Variants in ABCB9 observed in about 807,000 individuals in gnomAD.
The protein encoded by ABCB9 is ABC-type oligopeptide transporter ABCB9.
ABCB9 carries 36 observed loss-of-function variants against 62.0 expected under a neutral mutation model. That is an observed-to-expected ratio of 0.58 (90% CI 0.45 to 0.77). The LOEUF (loss-of-function observed/expected upper bound fraction) is 0.77, where lower values mean the gene tolerates loss of function less well. ABCB9 is among the 30% of genes least tolerant of loss of function. The probability of loss-of-function intolerance (pLI) is 0.00; values close to 1 mark genes in which losing one functional copy is unlikely to be tolerated. For missense variants in ABCB9, 943 were observed against 1,054.7 expected, an observed-to-expected ratio of 0.89 and a Z score of 1.47; for synonymous variants, 435 against 461.4, an observed-to-expected ratio of 0.94 and a Z score of 0.73.
intron 10 of ABCB9, among the ~76,000 whole-genome samples, chr12:122,933,038 A>AT (rs2135767545): frequency 6.6e-6 from 1 of 152,234 alleles, no homozygotes; most frequent in East Asian, 1.9e-4. Flanking sequence ...CTACAGGTGC[A>AT]TGCCACCACA....
chr12:122,944,329 A>T lies in ABCB9; in HGVS notation c.1380+62T>A. 9.4e-6 allele frequency: 14 copies of T among 1,489,326 alleles called. No homozygotes were observed. Among genetic ancestry groups the T allele is most frequent in the South Asian group, 2.5e-5 (2 of 80,384 alleles). 92.3% of individuals were successfully genotyped at this position (1,489,326 alleles called of 1,614,324 possible). On this transcript the variant is annotated intron_variant, in intron 7 of 11. Coordinates refer to ENST00000280560, the MANE Select transcript of ABCB9 (RefSeq NM_019625.4). This position sits in a 1 kb window ranked among gnomAD's most constrained non-coding sequence, Gnocchi z 4.9. ...CCTGGAGCCCCGCCCCCACCCTGTT[A>T]AGATCCCTCTTCCCCAAACTCCTCC...
downstream of ABCB9, among the ~76,000 whole-genome samples, chr12:122,927,346 A>G (rs1046010181): frequency 2.0e-5 from 3 of 151,906 alleles, no homozygotes; most frequent in Admixed American, 1.3e-4. Flanking sequence ...TAATTTTTGT[A>G]TTTTTAGTAG....
intron 9 of ABCB9, among the ~76,000 whole-genome samples, chr12:122,935,941 C>A (rs577386594): frequency 6.6e-6 from 1 of 152,238 alleles, no homozygotes; most frequent in South Asian, 2.1e-4. Flanking sequence ...CCTGGTGGCT[C>A]ATGCCTGTAA....
At chr12:122,936,336 C>T (rs1429724015) in intron 9 of ABCB9, among the ~76,000 whole-genome samples, 1 of 152,170 alleles carries the variant, frequency 6.6e-6, no homozygotes, top group Non-Finnish European at 1.5e-5. Context: ...CACTGGCTAC[C>T]TCCATGTGGT....
At chr12:122,954,989 G>T (rs2036550308) in intron 2 of ABCB9, among the ~76,000 whole-genome samples, 1 of 152,010 alleles carries the variant, frequency 6.6e-6, no homozygotes, top group Admixed American at 6.6e-5. Flanking sequence ...TTGAGATGGG[G>T]TCTCGCTATG....
At chr12:122,938,595 G>A (rs1340829090) in intron 9 of ABCB9, among the ~76,000 whole-genome samples, 1 of 151,766 alleles carries the variant, frequency 6.6e-6, no homozygotes, top group Admixed American at 6.6e-5. Flanking sequence ...TTGGGAGGCC[G>A]AGGCGGGTGG....
Position 122,932,056 on chromosome 12 carries a change from C to T in ABCB9, c.2040+136G>A. 1 of 1,460,764 alleles carries T rather than the reference C, an allele frequency of 6.8e-7. No individual in the cohort carries two copies. The highest frequency in any genetic ancestry group is 9.3e-7 in the Non-Finnish European group (1 of 1,080,024). 90.5% of individuals were successfully genotyped at this position (1,460,764 alleles called of 1,614,324 possible). On this transcript the variant is annotated intron_variant, in intron 11 of 11. Coordinates refer to ENST00000280560, the MANE Select transcript of ABCB9 (RefSeq NM_019625.4). The surrounding 1 kb of genome is among the most constrained non-coding windows in gnomAD (Gnocchi z 4.7). Reference sequence around the variant, plus strand: ...CTCCCCACTCTCAACACCAGGAATTCACCAGCCCAGGAGGCTGATAGTCTG... The same window carrying T: ...CTCCCCACTCTCAACACCAGGAATTTACCAGCCCAGGAGGCTGATAGTCTG...
chr12:122,953,149 G>C (rs1164574603), intron 2 of ABCB9: 1 of 151,962 alleles, frequency 6.6e-6, no homozygotes, highest in Non-Finnish European at 1.5e-5. Flanking sequence ...GAACAACTGG[G>C]CACCTTCCTG....
intron 2 of ABCB9, chr12:122,950,897 T>G (rs2036331852): frequency 4.0e-6 from 1 of 247,992 alleles, no homozygotes. Flanking sequence ...CGGGCTGGAG[T>G]GCAGTGGTGT....
intron 9 of ABCB9, among the ~76,000 whole-genome samples, chr12:122,935,653 T>C (rs2035423410): frequency 6.6e-6 from 1 of 152,166 alleles, no homozygotes; most frequent in African/African-American, 2.4e-5. Context: ...TGGGGCCTGC[T>C]ACATTTGCTG....
At chr12:122,924,802 C>G, downstream of ABCB9, 1 of 1,534,866 alleles carries the variant, frequency 6.5e-7, no homozygotes. Flanking sequence ...TCCTGGTTTA[C>G]CCAGCACACT....
At chr12:122,950,013 C>A in intron 3 of ABCB9, 95 bp from the exon 4 acceptor site, 1 of 1,525,986 alleles carries the variant, frequency 6.6e-7, no homozygotes, top group East Asian at 2.3e-5. Flanking sequence ...CCTGGGAGCC[C>A]CACCGCAGCC....
At chr12:122,938,614 G>A (rs1320583002) in intron 9 of ABCB9, among the ~76,000 whole-genome samples, 2 of 151,462 alleles carry the variant, frequency 1.3e-5, no homozygotes, top group African/African-American at 4.9e-5. Context: ...GGATCACGAG[G>A]TCAGGAGATC....
Position 122,948,648 on chromosome 12 carries a change from G to A in ABCB9, c.1029C>T (p.Ser343=). ...FMGFPIIMMV[S]NIYGKYYKRL... is the part of the protein sequence containing the mutation. ...CCTTGTAGTACTTGCCGTAGATGTT[G>A]GACACCATCATGATGATGGGGAAGC... The change falls in exon 5 of 12, where the codon TCC becomes TCT. Residue 343 remains serine (S), a synonymous_variant. Transcript: ENST00000280560. 2 of 1,613,418 alleles carry A rather than the reference G, an allele frequency of 1.2e-6. No homozygotes were observed. Among genetic ancestry groups the A allele is most frequent in the Non-Finnish European group, 1.7e-6 (2 of 1,179,678 alleles).
At chr12:122,921,047 A>C in intron 11 of ABCB9, 3 of 1,535,416 alleles carry the variant, frequency 2.0e-6, no homozygotes, top group African/African-American at 2.7e-5. Context: ...TTCAGATCTA[A>C]GAAGATAATA....
In ABCB9 at chr12:122,940,797, G is replaced by C; in HGVS notation, c.1569+10C>G. On this transcript the variant is annotated intron_variant, in intron 8 of 11. Transcript: ENST00000280560. This position sits in a 1 kb window ranked among gnomAD's most constrained non-coding sequence, Gnocchi z 4.8. ...GGCTGATTCTGGCAGGCCTCAAGCC[G>C]CGCCCTCACCTGCAGGACCTGGGTG... 6.4e-7 allele frequency: 1 copy of C among 1,568,002 alleles called. No individual in the cohort carries two copies. Among genetic ancestry groups the C allele is most frequent in the South Asian group, 1.2e-5 (1 of 85,600 alleles).
At chr12:122,924,848 A>G (rs2034847640), downstream of ABCB9, 1 of 1,532,862 alleles carries the variant, frequency 6.5e-7, no homozygotes, top group Non-Finnish European at 8.7e-7. Flanking sequence ...CATTTGCTAA[A>G]TTAATTGTAA....
chr12:122,942,124 A>G (rs928071195), intron 7 of ABCB9, among the ~76,000 whole-genome samples: 2 of 152,178 alleles, frequency 1.3e-5, no homozygotes, highest in African/African-American at 4.8e-5. Flanking sequence ...AACTTGGCCC[A>G]GGTCACAGAG....
chr12:122,970,118 C>T (rs1259073559), upstream of ABCB9, among the ~76,000 whole-genome samples: 1 of 152,320 alleles, frequency 6.6e-6, no homozygotes, highest in East Asian at 1.9e-4. Context: ...CTCACTCTGT[C>T]TCCCAGGCTG....
Sources: allele counts gnomAD v4.1 joint callset (sites outside exome capture counted in the v4.1 genomes callset), GRCh38; gene constraint gnomAD v4.1.1; non-coding constraint Gnocchi (gnomAD v3.1); transcripts MANE v1.5; gene names NCBI Gene and HGNC (gene_info 2026-07-23, HGNC 2026-07-21).